The following WWC1 variants were observed in gnomAD, a reference collection of about 807,000 sequenced individuals.
WWC1 encodes WW and C2 domain containing 1, also known as protein KIBRA.
Under a neutral mutation model 138.4 loss-of-function variants are expected in WWC1, and 55 were observed. The observed-to-expected ratio is 0.40, with a 90% CI of 0.32 to 0.50. WWC1 has a LOEUF of 0.50. Ranked by LOEUF, WWC1 falls within the 20% of genes least tolerant of loss-of-function variation. The pLI is 0.72. For synonymous variants in WWC1, 524 were observed against 564.9 expected (o/e 0.93, Z 1.03); for missense variants, 1,226 against 1,420.4 (o/e 0.86, Z 2.20).
intron 1 of WWC1, among the ~76,000 whole-genome samples, chr5:168,347,870 G>A (rs1373004596): frequency 6.6e-6 from 1 of 152,186 alleles, no homozygotes; most frequent in Admixed American, 6.5e-5. Context: ...CCTTGCAGAG[G>A]TCACTATCTC....
chr5:168,365,257 C>T (rs1776195585), intron 1 of WWC1, among the ~76,000 whole-genome samples: 1 of 152,110 alleles, frequency 6.6e-6, no homozygotes, highest in Non-Finnish European at 1.5e-5. Flanking sequence ...TGTGCCTGGG[C>T]TGGGGAGGAG....
chr5:168,383,033 G>C (rs1333614348), intron 2 of WWC1, among the ~76,000 whole-genome samples: 3 of 151,904 alleles, frequency 2.0e-5, no homozygotes, highest in African/African-American at 7.3e-5. Flanking sequence ...AAAATTAGCT[G>C]GGCGTAGTGG....
chr5:168,390,798 G>A (rs1226801084), intron 3 of WWC1, among the ~76,000 whole-genome samples: 1 of 152,250 alleles, frequency 6.6e-6, no homozygotes, highest in African/African-American at 2.4e-5. Context: ...CGACTCGCTG[G>A]TGTAATCTCT....
intron 1 of WWC1, 121 bp from the exon 2 acceptor site, chr5:168,371,303 G>A (rs899985871): frequency 1.8e-5 from 12 of 654,480 alleles, no homozygotes; most frequent in Non-Finnish European, 3.1e-5. Flanking sequence ...GTGCTGCTGT[G>A]GTGTAAAACT....
intron 1 of WWC1, among the ~76,000 whole-genome samples, chr5:168,328,792 C>T (rs1772785471): frequency 6.6e-6 from 1 of 152,158 alleles, no homozygotes; most frequent in Non-Finnish European, 1.5e-5. Flanking sequence ...GCCTCGGCCT[C>T]CCAAAGTGCT....
chr5:168,388,837 A>G (rs1463930534), intron 3 of WWC1, among the ~76,000 whole-genome samples: 4 of 152,036 alleles, frequency 2.6e-5, no homozygotes, highest in South Asian at 2.1e-4. Context: ...CTCAAAAAAA[A>G]AAACAAAAAA....
At chr5:168,422,782 G>C (rs1005414576) in intron 10 of WWC1, among the ~76,000 whole-genome samples, 15 of 152,170 alleles carry the variant, frequency 9.9e-5, no homozygotes, top group Admixed American at 2.0e-4. Flanking sequence ...TTTGTAGTAA[G>C]TGATACTGCT....
intron 1 of WWC1, among the ~76,000 whole-genome samples, chr5:168,298,672 A>G (rs1352515682): frequency 2.0e-5 from 3 of 152,216 alleles, no homozygotes; most frequent in Non-Finnish European, 4.4e-5. Flanking sequence ...ACCAGCATCT[A>G]TTGAGTGTTT....
intron 3 of WWC1, among the ~76,000 whole-genome samples, chr5:168,385,858 G>A (rs1478294336): frequency 2.6e-5 from 4 of 152,070 alleles, no homozygotes; most frequent in South Asian, 4.2e-4. Context: ...TATATTTACC[G>A]CAATTTCAAA....
At chr5:168,347,226 G>A (rs890261461) in intron 1 of WWC1, among the ~76,000 whole-genome samples, 1 of 152,218 alleles carries the variant, frequency 6.6e-6, no homozygotes, top group South Asian at 2.1e-4. Flanking sequence ...GATGGGTGCT[G>A]TGTCCTGGGG....
intron 16 of WWC1, 48 bp downstream of exon 16, chr5:168,441,882 T>A (rs370722091): frequency 6.3e-7 from 1 of 1,587,140 alleles, no homozygotes; most frequent in African/African-American, 1.3e-5. Flanking sequence ...CGCACCCGGA[T>A]GTTGGAAGGG....
chr5:168,360,476 G>T (rs1400997616), intron 1 of WWC1, among the ~76,000 whole-genome samples: 1 of 152,224 alleles, frequency 6.6e-6, no homozygotes, highest in Non-Finnish European at 1.5e-5. Context: ...TTTACATGGA[G>T]CATATGGTCC....
chr5:168,399,589 G>T (rs762207229), intron 5 of WWC1, 22 bp downstream of exon 5: 22 of 1,612,788 alleles, frequency 1.4e-5, no homozygotes, highest in African/African-American at 2.7e-5. Flanking sequence ...CTGCATCCCA[G>T]AGCATGGGGG....
chr5:168,414,682 G>A lies in WWC1; in HGVS notation c.1184+92G>A, dbSNP rs372764975. Reference sequence around the variant, plus strand: ...TGGGGGAAGAATGAGGGGGCTCCGGGCCCCTGGGCTCCACCCTGAGCACGC... The same window carrying A: ...TGGGGGAAGAATGAGGGGGCTCCGGACCCCTGGGCTCCACCCTGAGCACGC... On this transcript the variant is annotated intron_variant, in intron 9 of 22. Coordinates refer to ENST00000265293, the MANE Select transcript of WWC1 (RefSeq NM_015238.3). 4.3e-5 allele frequency: 61 copies of A among 1,434,876 alleles called. No individual in the cohort carries two copies. In the East Asian group the frequency reaches 1.2e-3, roughly 29 times the overall value. 88.9% of individuals were successfully genotyped at this position (1,434,876 alleles called of 1,614,324 possible). A position where few individuals can be genotyped will look rare whatever the true frequency, so the allele number is the denominator to read the frequency against.
In WWC1 at chr5:168,423,161, A is replaced by AAAC. The variant is rs1554108971; in HGVS notation, c.1275-370_1275-369insCAA. ...CTCCATCCCCCCCCAAAAAAAAAAA[A>AAAC]AAAAAAAAAAACACAGTGAGTTGAT... On this transcript the variant is annotated intron_variant, in intron 10 of 22. Coordinates refer to ENST00000265293, the MANE Select transcript of WWC1 (RefSeq NM_015238.3). 1.4e-5 allele frequency among the ~76,000 whole-genome samples: 2 copies of AAAC among 140,108 alleles called. 1 individual carries two copies. Among genetic ancestry groups the AAAC allele is most frequent in the Non-Finnish European group, 3.1e-5 (2 of 65,048 alleles). 91.9% of individuals were successfully genotyped at this position (140,108 alleles called of 152,430 possible).
chr5:168,417,028 C>A (rs535378390), intron 9 of WWC1, among the ~76,000 whole-genome samples: 93 of 152,156 alleles, frequency 6.1e-4, no homozygotes, highest in Non-Finnish European at 1.2e-3. Context: ...CCACCACACC[C>A]AGCTAATTTT....
At chr5:168,339,681 A>G (rs1773806528) in intron 1 of WWC1, among the ~76,000 whole-genome samples, 1 of 152,240 alleles carries the variant, frequency 6.6e-6, no homozygotes, top group Non-Finnish European at 1.5e-5. Flanking sequence ...ACTATCCAGC[A>G]CATAGTCAAG....
chr5:168,328,316 CCT>C (rs1342131400), intron 1 of WWC1, among the ~76,000 whole-genome samples: 1 of 152,176 alleles, frequency 6.6e-6, no homozygotes, highest in Non-Finnish European at 1.5e-5. Context: ...GATGCTGTTT[CCT>C]GGTGCACCCT....
intron 1 of WWC1, among the ~76,000 whole-genome samples, chr5:168,334,170 G>A (rs772916672): frequency 1.3e-5 from 2 of 151,472 alleles, no homozygotes; most frequent in Non-Finnish European, 2.9e-5. Context: ...CTTGCAGTGA[G>A]CTATGATGAT....
Sources: gnomAD v4.1 joint callset for allele counts (sites outside exome capture counted in the v4.1 genomes callset) on GRCh38, gnomAD v4.1.1 for gene constraint, MANE v1.5 for transcripts, NCBI Gene and HGNC (gene_info 2026-07-23, HGNC 2026-07-21) for gene names.